UNC13C: variants seen among roughly 807,000 people sequenced by gnomAD.
The protein encoded by UNC13C is unc-13 homolog C, also known as protein unc-13 homolog C.
Under a neutral mutation model 245.4 loss-of-function variants are expected in UNC13C, and 174 were observed. The observed-to-expected ratio is 0.71, with a 90% CI of 0.63 to 0.80. The LOEUF (loss-of-function observed/expected upper bound fraction) is 0.80, where lower values mean the gene tolerates loss of function less well. Ranked by LOEUF, UNC13C falls within the 30% of genes least tolerant of loss-of-function variation. UNC13C has a pLI of 0.00. For synonymous variants in UNC13C, 992 were observed against 895.1 expected, an observed-to-expected ratio of 1.11 and a Z score of -1.93; for missense variants, 2,829 against 2,602.9, an observed-to-expected ratio of 1.09 and a Z score of -1.89.
the UNC13C span, among the ~76,000 whole-genome samples, chr15:53,905,394 C>G: frequency 4.7e-5 from 3 of 64,284 alleles, no homozygotes; most frequent in African/African-American, 1.6e-4. Context: ...TATTATATTA[C>G]TTTATACACA....
At chr15:54,059,683 A>G (rs1474100179) in intron 2 of UNC13C, among the ~76,000 whole-genome samples, 1 of 152,238 alleles carries the variant, frequency 6.6e-6, no homozygotes, top group African/African-American at 2.4e-5. Flanking sequence ...AAAAAAACAA[A>G]GCTGGAGGCA....
At chr15:54,366,743 C>A (rs1302071361) in intron 17 of UNC13C, among the ~76,000 whole-genome samples, 1 of 152,058 alleles carries the variant, frequency 6.6e-6, no homozygotes, top group African/African-American at 2.4e-5. Flanking sequence ...TATTAAGCAT[C>A]ATCTTGGCAA....
At chr15:54,599,543 G>C (rs1016039592) in intron 30 of UNC13C, among the ~76,000 whole-genome samples, 1 of 152,062 alleles carries the variant, frequency 6.6e-6, no homozygotes, top group African/African-American at 2.4e-5. Context: ...GTTTCCGAAA[G>C]TAAGATTTTT....
At chr15:54,421,506 A>G (rs1057201928) in intron 19 of UNC13C, among the ~76,000 whole-genome samples, 2 of 152,014 alleles carry the variant, frequency 1.3e-5, no homozygotes, top group Non-Finnish European at 2.9e-5. Context: ...GTTGGTGGAA[A>G]TGCAAATTCT....
At chr15:54,606,119 AAAAG>A (rs2141280584) in intron 30 of UNC13C, among the ~76,000 whole-genome samples, 2 of 152,354 alleles carry the variant, frequency 1.3e-5, no homozygotes, top group East Asian at 3.9e-4. Context: ...ATTAAAGTAT[AAAAG>A]AAAAGTACAA....
intron 17 of UNC13C, among the ~76,000 whole-genome samples, chr15:54,362,519 A>T (rs1184869067): frequency 6.6e-6 from 1 of 152,200 alleles, no homozygotes; most frequent in Non-Finnish European, 1.5e-5. Flanking sequence ...GGGAGTAGTG[A>T]TACAAGGGAA....
At chr15:53,922,205 T>C in the UNC13C span, among the ~76,000 whole-genome samples, 1 of 152,234 alleles carries the variant, frequency 6.6e-6, no homozygotes, top group East Asian at 1.9e-4. Flanking sequence ...ACTAGCTAAG[T>C]GACTGTTGGA....
intron 2 of UNC13C, among the ~76,000 whole-genome samples, chr15:54,064,770 C>T (rs926400878): frequency 5.3e-5 from 8 of 152,140 alleles, no homozygotes; most frequent in Admixed American, 5.2e-4. Flanking sequence ...AGGAAACAGG[C>T]TTTAATTGAA....
At position 54,333,796 on chromosome 15, in the gene UNC13C, A is replaced by T. The variant is rs1484517886; in HGVS notation, c.4524A>T (p.Arg1508Ser). The T allele has an allele frequency of 6.2e-7, 1 of 1,606,678 alleles. No individual in the cohort carries two copies. The highest frequency in any genetic ancestry group is 8.5e-7 in the Non-Finnish European group (1 of 1,176,074). ...RENFPASNTE[R>S]LQDLKSTVDL... ...ACTTTCCTGCAAGCAATACTGAAAG[A>T]CTGCAAGACCTGAAATCAACTGTTG... The change falls in exon 16 of 33, where the codon AGA becomes AGT. Residue 1508 changes from arginine to serine, a missense_variant. Physicochemically the swap from Arg to Ser is moderately radical, Grantham distance 110. Coordinates refer to ENST00000260323, the MANE Select transcript of UNC13C (RefSeq NM_001080534.3).
intron 4 of UNC13C, among the ~76,000 whole-genome samples, chr15:54,166,280 A>G (rs1420892900): frequency 2.0e-5 from 3 of 152,080 alleles, no homozygotes; most frequent in South Asian, 2.1e-4. Context: ...ACATTCGTAT[A>G]TTTAGCCTGT....
At chr15:54,272,353 T>TA (rs766383867) in intron 10 of UNC13C, among the ~76,000 whole-genome samples, 46 of 152,260 alleles carry the variant, frequency 3.0e-4, no homozygotes, top group Non-Finnish European at 5.4e-4. Flanking sequence ...ATAATTTATT[T>TA]AATACCATAT....
At chr15:53,913,328 G>T in the UNC13C span, 2 of 152,224 alleles carry the variant, frequency 1.3e-5, no homozygotes, top group African/African-American at 4.8e-5. Context: ...GATAGTTTCA[G>T]TTAGGGCCTA....
intron 10 of UNC13C, among the ~76,000 whole-genome samples, chr15:54,291,865 A>G (rs1338273589): frequency 6.6e-6 from 1 of 151,990 alleles, no homozygotes; most frequent in Non-Finnish European, 1.5e-5. Context: ...AATCAGTATA[A>G]TGTTCCAACT....
intron 8 of UNC13C, among the ~76,000 whole-genome samples, chr15:54,256,354 C>T (rs2036279280): frequency 6.6e-6 from 1 of 152,212 alleles, no homozygotes; most frequent in African/African-American, 2.4e-5. Context: ...GATATTGTGT[C>T]TGTAAACATC....
intron 4 of UNC13C, among the ~76,000 whole-genome samples, chr15:54,220,652 A>T (rs1456024228): frequency 6.6e-6 from 1 of 152,058 alleles, no homozygotes; most frequent in African/African-American, 2.4e-5. Context: ...ATGGTTTATT[A>T]AAAATATTGG....
chr15:54,184,284 A>G (rs1290645266), intron 4 of UNC13C, among the ~76,000 whole-genome samples: 1 of 151,930 alleles, frequency 6.6e-6, no homozygotes, highest in Admixed American at 6.6e-5. Flanking sequence ...TTATTATTAT[A>G]CTTTAAGTTT....
At chr15:54,088,063 T>C (rs1899342906) in intron 2 of UNC13C, among the ~76,000 whole-genome samples, 1 of 151,956 alleles carries the variant, frequency 6.6e-6, no homozygotes. Flanking sequence ...GAATATTATA[T>C]ATATATATAT....
At chr15:53,933,657 C>T in the UNC13C span, among the ~76,000 whole-genome samples, 7 of 152,210 alleles carry the variant, frequency 4.6e-5, no homozygotes, top group Non-Finnish European at 1.0e-4. Context: ...TTCTGAACCA[C>T]TGTAGCTCCC....
Position 54,567,954 on chromosome 15 carries a change from A to C in UNC13C, c.6106+7A>C. 1 of 1,545,522 alleles carries C rather than the reference A, an allele frequency of 6.5e-7. No individual in the cohort carries two copies. The highest frequency in any genetic ancestry group is 8.7e-7 in the Non-Finnish European group (1 of 1,143,152). ...GATACTCAAACCTCACAGAGTAAGTAACACATAGGACCTGAGAATAAGGTA... is the reference window on the plus strand; with the variant it reads ...GATACTCAAACCTCACAGAGTAAGTCACACATAGGACCTGAGAATAAGGTA... On this transcript the variant is annotated splice_region_variant and intron_variant, in intron 30 of 32. Transcript: ENST00000260323.
Sources: gnomAD v4.1 joint callset for allele counts (sites outside exome capture counted in the v4.1 genomes callset) on GRCh38, gnomAD v4.1.1 for gene constraint, MANE v1.5 for transcripts, NCBI Gene and HGNC (gene_info 2026-07-23, HGNC 2026-07-21) for gene names.